The following NCAM1 variants were observed in gnomAD, a reference collection of about 807,000 sequenced individuals.
NCAM1 encodes antigen recognized by monoclonal antibody 5.1H11.
A neutral mutation model predicts 109.8 loss-of-function variants in NCAM1; 14 were observed. The observed-to-expected ratio is 0.13, with a 90% CI of 0.08 to 0.20. The LOEUF (loss-of-function observed/expected upper bound fraction) is 0.20, where lower values mean the gene tolerates loss of function less well. NCAM1 is among the 10% of genes least tolerant of loss of function. The probability of loss-of-function intolerance (pLI) is 1.00; values close to 1 mark genes in which losing one functional copy is unlikely to be tolerated. For synonymous variants in NCAM1, 418 were observed against 442.9 expected (o/e 0.94, Z 0.70); for missense variants, 774 against 1,109.9 (o/e 0.70, Z 4.30).
At chr11:113,149,371 G>A (rs976011922) in intron 1 of NCAM1, among the ~76,000 whole-genome samples, 3 of 152,080 alleles carry the variant, frequency 2.0e-5, no homozygotes, top group African/African-American at 4.8e-5. Context: ...GGAAGAGATT[G>A]GATTCAAAAA....
chr11:113,182,174 G>C (rs1335815841), intron 1 of NCAM1, among the ~76,000 whole-genome samples: 1 of 152,268 alleles, frequency 6.6e-6, no homozygotes, highest in East Asian at 1.9e-4. Flanking sequence ...CAAGCTTTTT[G>C]ACTGTACCCC....
At chr11:113,119,813 TTAGAGA>T (rs1940877827) in intron 1 of NCAM1, among the ~76,000 whole-genome samples, 1 of 152,124 alleles carries the variant, frequency 6.6e-6, no homozygotes, top group African/African-American at 2.4e-5. Context: ...TTTTAATGTA[TTAGAGA>T]TAAACAGAAT....
intron 15 of NCAM1, among the ~76,000 whole-genome samples, chr11:113,249,243 T>A (rs782513661): frequency 1.3e-5 from 2 of 152,230 alleles, no homozygotes; most frequent in Non-Finnish European, 2.9e-5. Flanking sequence ...CTCCTTTATT[T>A]TTTCACAGCT....
intron 1 of NCAM1, among the ~76,000 whole-genome samples, chr11:113,185,692 T>C (rs1943487481): frequency 6.6e-6 from 1 of 152,182 alleles, no homozygotes; most frequent in African/African-American, 2.4e-5. Context: ...AGAATGATTG[T>C]AAAAATAAGC....
At chr11:113,264,496 C>G in intron 17 of NCAM1, 1 of 985,700 alleles carries the variant, frequency 1.0e-6, no homozygotes, top group Non-Finnish European at 1.2e-6. Context: ...CACACCAGGG[C>G]AGTGGAGGCA....
At chr11:113,171,911 T>C (rs543961830) in intron 1 of NCAM1, among the ~76,000 whole-genome samples, 6 of 152,272 alleles carry the variant, frequency 3.9e-5, no homozygotes, top group African/African-American at 1.4e-4. Flanking sequence ...ATCGGCCCTA[T>C]CCAGCATGAC....
At chr11:112,965,280 T>C (rs1482761458) in intron 1 of NCAM1, among the ~76,000 whole-genome samples, 1 of 151,256 alleles carries the variant, frequency 6.6e-6, no homozygotes, top group Non-Finnish European at 1.5e-5. Context: ...GAAAAAAAAA[T>C]GATGTGGGTG....
chr11:113,113,342 T>G (rs991432744), intron 1 of NCAM1, among the ~76,000 whole-genome samples: 6 of 152,196 alleles, frequency 3.9e-5, no homozygotes. Flanking sequence ...CGCCATAGAC[T>G]GGGCCAGATG....
intron 1 of NCAM1, among the ~76,000 whole-genome samples, chr11:113,075,270 A>G (rs956280955): frequency 7.2e-5 from 11 of 152,082 alleles, no homozygotes; most frequent in African/African-American, 2.4e-4. Flanking sequence ...GCGTCTCACT[A>G]TGTTGCTCAG....
At chr11:113,109,252 G>A (rs782246547) in intron 1 of NCAM1, among the ~76,000 whole-genome samples, 6 of 150,952 alleles carry the variant, frequency 4.0e-5, no homozygotes, top group Non-Finnish European at 7.4e-5. Flanking sequence ...GGAGGCTGAG[G>A]CATGAGAATT....
At chr11:113,045,934 T>G (rs1236031830) in intron 1 of NCAM1, among the ~76,000 whole-genome samples, 1 of 152,124 alleles carries the variant, frequency 6.6e-6, no homozygotes, top group Non-Finnish European at 1.5e-5. Context: ...CATTTAAAGC[T>G]CTGAGGTGAG....
intron 1 of NCAM1, among the ~76,000 whole-genome samples, chr11:113,004,447 G>A (rs11214451): frequency 0.098 from 14,899 of 151,942 alleles, 1,015 homozygotes; most frequent in East Asian, 0.32. Flanking sequence ...AGCCGAGATC[G>A]TGCCACTGCA....
At chr11:113,079,921 T>C (rs1938712196) in intron 1 of NCAM1, among the ~76,000 whole-genome samples, 2 of 152,208 alleles carry the variant, frequency 1.3e-5, no homozygotes, top group African/African-American at 2.4e-5. Context: ...ACGAATGGTC[T>C]TCGTTCTTTG....
chr11:113,240,858 C>T lies in NCAM1; in HGVS notation c.1826-5510C>T, dbSNP rs782476129. 6.8e-6 allele frequency: 11 copies of T among 1,606,838 alleles called. No homozygotes were observed. In the African/African-American group the frequency reaches 1.5e-4, roughly 21 times the overall value. On this transcript the variant is annotated intron_variant, in intron 14 of 19. Coordinates refer to ENST00000316851, the MANE Select transcript of NCAM1 (RefSeq NM_181351.5). ...AGTGAGTATCATTTTCTTCATCCAT[C>T]TCTCTGCAGGTCACTTTCCACCAGC...
At chr11:113,238,024 T>C (rs1029190000) in intron 14 of NCAM1, among the ~76,000 whole-genome samples, 2 of 150,698 alleles carry the variant, frequency 1.3e-5, no homozygotes, top group African/African-American at 4.9e-5. Flanking sequence ...AAAAATGAAA[T>C]TTTTAATGAA....
chr11:113,104,212 G>C (rs879966231), intron 1 of NCAM1, among the ~76,000 whole-genome samples: 26 of 129,758 alleles, frequency 2.0e-4, no homozygotes, highest in South Asian at 1.3e-3. Flanking sequence ...TGGGGTGGGG[G>C]GGGGGGCGGG....
intron 1 of NCAM1, among the ~76,000 whole-genome samples, chr11:113,039,370 A>T (rs1952996950): frequency 6.6e-6 from 1 of 152,196 alleles, no homozygotes; most frequent in Admixed American, 6.5e-5. Context: ...AGATGAAAGG[A>T]TGTAATTGGT....
chr11:113,073,081 T>A (rs1379550455), intron 1 of NCAM1, among the ~76,000 whole-genome samples: 1 of 152,152 alleles, frequency 6.6e-6, no homozygotes, highest in African/African-American at 2.4e-5. Flanking sequence ...ACTCTAAATA[T>A]CTCAAAGAAG....
At chr11:113,068,392 G>A (rs947478470) in intron 1 of NCAM1, among the ~76,000 whole-genome samples, 1 of 152,098 alleles carries the variant, frequency 6.6e-6, no homozygotes, top group Non-Finnish European at 1.5e-5. Context: ...TGACCATAAG[G>A]TTCTTATGAA....
Sources: gnomAD v4.1 joint callset for allele counts (sites outside exome capture counted in the v4.1 genomes callset) on GRCh38, gnomAD v4.1.1 for gene constraint, MANE v1.5 for transcripts, NCBI Gene and HGNC (gene_info 2026-07-23, HGNC 2026-07-21) for gene names.